DLGAP1: variants seen among roughly 807,000 people sequenced by gnomAD.
The protein encoded by DLGAP1 is DLG associated protein 1.
A neutral mutation model predicts 90.8 loss-of-function variants in DLGAP1; 11 were observed. That is an observed-to-expected ratio of 0.12 (90% CI 0.08 to 0.20). The LOEUF (loss-of-function observed/expected upper bound fraction) is 0.20. Ranked by LOEUF, DLGAP1 falls within the 10% of genes least tolerant of loss-of-function variation. DLGAP1 has a pLI of 1.00. For missense variants in DLGAP1, 1,050 were observed against 1,333.8 expected, an observed-to-expected ratio of 0.79 and a Z score of 3.31; for synonymous variants, 558 against 540.7, an observed-to-expected ratio of 1.03 and a Z score of -0.44.
chr18:3,932,634 T>C (rs1244450293), intron 3 of DLGAP1, among the ~76,000 whole-genome samples: 1 of 151,556 alleles, frequency 6.6e-6, no homozygotes, highest in Non-Finnish European at 1.5e-5. Context: ...TTTGGAGGAG[T>C]CCGGCCTGGT....
At chr18:4,184,709 TA>T (rs1568439290) in intron 1 of DLGAP1, among the ~76,000 whole-genome samples, 2 of 152,118 alleles carry the variant, frequency 1.3e-5, no homozygotes, top group Non-Finnish European at 2.9e-5. Context: ...TTTTTATTTT[TA>T]TTTTTTAGGA....
intron 1 of DLGAP1, among the ~76,000 whole-genome samples, chr18:4,379,419 G>A (rs2082075154): frequency 6.6e-6 from 1 of 152,082 alleles, no homozygotes; most frequent in African/African-American, 2.4e-5. Flanking sequence ...GGCTTTCTGT[G>A]TCTTAGATAC....
chr18:4,030,917 A>G lies in DLGAP1; in HGVS notation c.-158-25716T>C, dbSNP rs140149106. Among the ~76,000 whole-genome samples the G allele has an allele frequency of 4.9e-4, 74 of 152,256 alleles. No homozygotes were observed. In the East Asian group the frequency reaches 0.013, roughly 27 times the overall value. ...CAGCCTGGGTGACAGAGTAAGACAC[A>G]GTCTCAAAACAAAAACAAAAACAAA... On this transcript the variant is annotated intron_variant, in intron 2 of 12. Coordinates refer to ENST00000315677, the MANE Select transcript of DLGAP1 (RefSeq NM_004746.4).
intron 2 of DLGAP1, among the ~76,000 whole-genome samples, chr18:4,063,493 G>T (rs1226869112): frequency 6.6e-6 from 1 of 152,026 alleles, no homozygotes; most frequent in Non-Finnish European, 1.5e-5. Flanking sequence ...ACAGCTATTG[G>T]TTGGCCACCC....
chr18:4,179,927 A>C (rs1235242590), intron 1 of DLGAP1, among the ~76,000 whole-genome samples: 1 of 152,126 alleles, frequency 6.6e-6, no homozygotes, highest in Non-Finnish European at 1.5e-5. Context: ...GAACTTTATC[A>C]GTTGTTTTGG....
At chr18:4,391,356 C>T (rs2082336015) in intron 1 of DLGAP1, among the ~76,000 whole-genome samples, 1 of 152,242 alleles carries the variant, frequency 6.6e-6, no homozygotes, top group East Asian at 1.9e-4. Context: ...TTGCCTTTGG[C>T]CAGTTTGACC....
At position 4,454,398 on chromosome 18, in the gene DLGAP1, G is replaced by T. The variant is rs961167924; in HGVS notation, c.-267+608C>A. Among the ~76,000 whole-genome samples, 2 of 86,120 alleles carry T rather than the reference G, an allele frequency of 2.3e-5. No individual in the cohort carries two copies. Among genetic ancestry groups the T allele is most frequent in the Non-Finnish European group, 5.6e-5 (2 of 35,816 alleles). The allele number at this position is 86,120 out of a possible 152,430, so 56.5% of individuals were successfully genotyped here. A position where few individuals can be genotyped will look rare whatever the true frequency, so the allele number is the denominator to read the frequency against. ...CGACTCTCCAGTGACCTCCTCCTTG[G>T]ACCCCATTTCTCTCTCTCTCTCTCT... On this transcript the variant is annotated intron_variant, in intron 1 of 12. Coordinates refer to ENST00000315677, the MANE Select transcript of DLGAP1 (RefSeq NM_004746.4). The surrounding 1 kb of genome is among the most constrained non-coding windows in gnomAD (Gnocchi z 4.7).
rs183021398 is a variant in DLGAP1 at position 4,241,991 on chromosome 18, C to T, written c.-266-90704G>A. Among the ~76,000 whole-genome samples the T allele has an allele frequency of 3.7e-4, 57 of 152,210 alleles. 1 individual carries two copies. The South Asian group carries it at 6.0e-3, about 16-fold the overall frequency. On this transcript the variant is annotated intron_variant, in intron 1 of 12. Coordinates refer to ENST00000315677, the MANE Select transcript of DLGAP1 (RefSeq NM_004746.4). ...GGTAAATCAAGCTATCCCTTATAGT[C>T]ATTTATCTGGGATGGTCATCTGCCA...
chr18:3,693,385 A>T (rs2060966448), intron 7 of DLGAP1, among the ~76,000 whole-genome samples: 1 of 152,180 alleles, frequency 6.6e-6, no homozygotes, highest in Non-Finnish European at 1.5e-5. Context: ...CATCAGCCAT[A>T]GTGTCTGGCC....
rs954715292 is a variant in DLGAP1, at chr18:3,731,143, T to C, written c.1351-1768A>G. 2.6e-5 allele frequency among the ~76,000 whole-genome samples: 4 copies of C among 152,266 alleles called. No homozygotes were observed. The East Asian group carries it at 7.7e-4, about 29-fold the overall frequency. Reference sequence around the variant, plus strand: ...TAAAGCAAATATATATGTGTGTATGTCTATATACATCTGCAAATGTATGGG... The same window carrying C: ...TAAAGCAAATATATATGTGTGTATGCCTATATACATCTGCAAATGTATGGG... On this transcript the variant is annotated intron_variant, in intron 6 of 12. Coordinates refer to ENST00000315677, the MANE Select transcript of DLGAP1 (RefSeq NM_004746.4).
At chr18:4,359,392 T>C (rs1412105845) in intron 1 of DLGAP1, among the ~76,000 whole-genome samples, 1 of 152,174 alleles carries the variant, frequency 6.6e-6, no homozygotes, top group Non-Finnish European at 1.5e-5. Context: ...TACAGGGACA[T>C]GGAGAAGAAT....
chr18:3,717,630 G>GA (rs913276857), intron 7 of DLGAP1, among the ~76,000 whole-genome samples: 1 of 152,148 alleles, frequency 6.6e-6, no homozygotes, highest in South Asian at 2.1e-4. Flanking sequence ...TCAGGTGACT[G>GA]AAAAAACAGT....
chr18:3,641,586 TAC>T (rs61136246), intron 7 of DLGAP1, among the ~76,000 whole-genome samples: 262 of 135,314 alleles, frequency 1.9e-3, no homozygotes, highest in Admixed American at 3.4e-3. Flanking sequence ...CATATATATA[TAC>T]ACACACACAC....
At chr18:3,866,915 A>G (rs929218939) in intron 4 of DLGAP1, among the ~76,000 whole-genome samples, 4 of 152,182 alleles carry the variant, frequency 2.6e-5, no homozygotes, top group African/African-American at 9.6e-5. Flanking sequence ...CAGTGGTGCT[A>G]CCTTGGATCA....
At chr18:3,920,367 A>C (rs1242788304) in intron 3 of DLGAP1, among the ~76,000 whole-genome samples, 1 of 151,580 alleles carries the variant, frequency 6.6e-6, no homozygotes, top group Non-Finnish European at 1.5e-5. Flanking sequence ...AAAAAAAAAA[A>C]AAAAAAGCAC....
intron 1 of DLGAP1, among the ~76,000 whole-genome samples, chr18:4,229,598 G>A (rs1372095957): frequency 1.3e-5 from 2 of 152,094 alleles, no homozygotes; most frequent in Non-Finnish European, 1.5e-5. Context: ...TCAATAAATG[G>A]TGCTAGGAGA....
At chr18:3,693,977 C>T (rs773642069) in intron 7 of DLGAP1, among the ~76,000 whole-genome samples, 1 of 152,092 alleles carries the variant, frequency 6.6e-6, no homozygotes, top group African/African-American at 2.4e-5. Flanking sequence ...GTTAGCTGCA[C>T]CCATCAACCC....
chr18:4,172,630 G>A (rs997596295), intron 1 of DLGAP1, among the ~76,000 whole-genome samples: 1 of 152,112 alleles, frequency 6.6e-6, no homozygotes, highest in Admixed American at 6.5e-5. Flanking sequence ...ATGTCAACTG[G>A]TGAACATAAG....
chr18:4,046,355 G>A (rs976087228), intron 2 of DLGAP1, among the ~76,000 whole-genome samples: 1 of 152,198 alleles, frequency 6.6e-6, no homozygotes, highest in African/African-American at 2.4e-5. Flanking sequence ...AGGATCATTT[G>A]GGGTGAGTAT....
Sources: gnomAD v4.1 joint callset for allele counts (sites outside exome capture counted in the v4.1 genomes callset) on GRCh38, gnomAD v4.1.1 for gene constraint, Gnocchi (gnomAD v3.1) non-coding constraint, MANE v1.5 for transcripts, NCBI Gene and HGNC (gene_info 2026-07-23, HGNC 2026-07-21) for gene names.